Variants in ANKFN1 observed in about 807,000 individuals in gnomAD.
ANKFN1 encodes the protein ankyrin repeat and fibronectin type III domain containing 1.
A neutral mutation model predicts 108.7 loss-of-function variants in ANKFN1; 74 were observed. That is an observed-to-expected ratio of 0.68 (90% CI 0.56 to 0.83). The LOEUF is 0.83. Ranked by LOEUF, ANKFN1 falls within the 40% of genes least tolerant of loss-of-function variation. The probability of loss-of-function intolerance (pLI) is 0.00; values close to 1 mark genes in which losing one functional copy is unlikely to be tolerated. For missense variants in ANKFN1, 1,505 were observed against 1,382.3 expected, an observed-to-expected ratio of 1.09 and a Z score of -1.41; for synonymous variants, 547 against 516.2, an observed-to-expected ratio of 1.06 and a Z score of -0.81.
chr17:56,053,662 A>G (rs1163666084), intron 4 of ANKFN1, among the ~76,000 whole-genome samples: 1 of 152,144 alleles, frequency 6.6e-6, no homozygotes, highest in Non-Finnish European at 1.5e-5. Flanking sequence ...TTTGGGTTAT[A>G]TACCCAGCAG....
chr17:56,234,608 T>C (rs1671043020), intron 3 of ANKFN1, among the ~76,000 whole-genome samples: 1 of 152,166 alleles, frequency 6.6e-6, no homozygotes, highest in South Asian at 2.1e-4. Flanking sequence ...CAGTATTTGG[T>C]TTTCTGTTCC....
intron 6 of ANKFN1, among the ~76,000 whole-genome samples, chr17:56,372,222 A>G (rs1309654296): frequency 1.3e-5 from 2 of 152,240 alleles, no homozygotes; most frequent in Non-Finnish European, 2.9e-5. Context: ...TCAGAATGCA[A>G]CTTGCCTCAT....
chr17:56,342,759 T>A (rs762714463), intron 4 of ANKFN1, among the ~76,000 whole-genome samples: 7 of 152,022 alleles, frequency 4.6e-5, no homozygotes, highest in Non-Finnish European at 8.8e-5. Context: ...ATTAGAAAAG[T>A]GTATATTCTG....
intron 3 of ANKFN1, chr17:56,254,350 T>C (rs1219870295): frequency 6.6e-6 from 1 of 152,198 alleles, no homozygotes; most frequent in East Asian, 1.9e-4. Context: ...TAAGTGTAAA[T>C]GAACCACTGT....
intron 8 of ANKFN1, among the ~76,000 whole-genome samples, chr17:56,385,340 A>G (rs986165929): frequency 2.6e-5 from 4 of 152,344 alleles, no homozygotes; most frequent in African/African-American, 9.6e-5. Context: ...TAAAGACTTA[A>G]ATGTTAGACC....
At chr17:56,400,780 G>A (rs562555170) in intron 8 of ANKFN1, among the ~76,000 whole-genome samples, 1 of 152,192 alleles carries the variant, frequency 6.6e-6, no homozygotes, top group Non-Finnish European at 1.5e-5. Context: ...TGAGAGATGA[G>A]GATCCAGTTT....
At chr17:56,312,429 T>C (rs961295264) in intron 3 of ANKFN1, among the ~76,000 whole-genome samples, 1 of 152,154 alleles carries the variant, frequency 6.6e-6, no homozygotes, top group Non-Finnish European at 1.5e-5. Flanking sequence ...CTGCTGATCT[T>C]ACTCTGACCC....
intron 15 of ANKFN1, among the ~76,000 whole-genome samples, chr17:56,476,289 G>A (rs928383044): frequency 6.6e-6 from 1 of 152,138 alleles, no homozygotes; most frequent in African/African-American, 2.4e-5. Flanking sequence ...CTACTGATGT[G>A]GAGGGATGGT....
chr17:56,146,654 C>T (rs375192098), intron 4 of ANKFN1, among the ~76,000 whole-genome samples: 87 of 152,260 alleles, frequency 5.7e-4, no homozygotes, highest in African/African-American at 1.9e-3. Flanking sequence ...GTGGCTGGAG[C>T]TGAAGCAGCT....
At chr17:56,054,239 A>G (rs756000080) in intron 4 of ANKFN1, among the ~76,000 whole-genome samples, 1 of 152,246 alleles carries the variant, frequency 6.6e-6, no homozygotes, top group Non-Finnish European at 1.5e-5. Flanking sequence ...CCAAAGGAAA[A>G]TAATTCATTA....
chr17:56,175,915 A>G, intron 1 of ANKFN1, among the ~76,000 whole-genome samples: 1 of 139,810 alleles, frequency 7.2e-6, no homozygotes, highest in South Asian at 2.7e-4. Context: ...ATAGCCTATT[A>G]TAAGATAGTA....
intron 3 of ANKFN1, among the ~76,000 whole-genome samples, chr17:56,273,177 T>C (rs1389286657): frequency 5.3e-5 from 8 of 152,320 alleles, no homozygotes; most frequent in African/African-American, 1.9e-4. Context: ...ACAGATAAAA[T>C]ATTTTACATG....
chr17:56,106,364 G>A (rs1481136422), intron 4 of ANKFN1, among the ~76,000 whole-genome samples: 1 of 152,226 alleles, frequency 6.6e-6, no homozygotes, highest in Non-Finnish European at 1.5e-5. Context: ...TGTTGTGAAA[G>A]CAGCACATAA....
At chr17:56,503,723 T>TG (rs1488634325) in intron 20 of ANKFN1, among the ~76,000 whole-genome samples, 1 of 151,950 alleles carries the variant, frequency 6.6e-6, no homozygotes, top group Non-Finnish European at 1.5e-5. Flanking sequence ...GTTGTTGGCC[T>TG]GACCCACAGA....
At chr17:56,374,471 C>T (rs1004852088) in intron 7 of ANKFN1, 130 bp from the exon 8 acceptor site, 35 of 680,778 alleles carry the variant, frequency 5.1e-5, no homozygotes, top group Middle Eastern at 3.6e-4. Flanking sequence ...TGTTCAAAAG[C>T]GAAAGCTATT....
intron 8 of ANKFN1, among the ~76,000 whole-genome samples, chr17:56,388,452 A>G (rs900268054): frequency 1.3e-5 from 2 of 152,142 alleles, no homozygotes; most frequent in Non-Finnish European, 2.9e-5. Context: ...TGATTTATCA[A>G]TATCTGTGCA....
At chr17:56,438,178 C>T (rs561976234) in intron 8 of ANKFN1, among the ~76,000 whole-genome samples, 9 of 152,134 alleles carry the variant, frequency 5.9e-5, no homozygotes, top group South Asian at 4.2e-4. Flanking sequence ...TAATAAATCT[C>T]GTTTTTACAG....
At chr17:56,275,732 G>A (rs1209150847) in intron 3 of ANKFN1, among the ~76,000 whole-genome samples, 1 of 152,120 alleles carries the variant, frequency 6.6e-6, no homozygotes, top group Non-Finnish European at 1.5e-5. Flanking sequence ...ATATTTCTAA[G>A]AAATGGACTT....
intron 8 of ANKFN1, among the ~76,000 whole-genome samples, chr17:56,412,870 T>A (rs1315093715): frequency 6.6e-6 from 1 of 152,228 alleles, no homozygotes; most frequent in Admixed American, 6.5e-5. Context: ...ATCCTATTAG[T>A]CCTGATCCTC....
Sources: gnomAD v4.1 joint callset for allele counts (sites outside exome capture counted in the v4.1 genomes callset) on GRCh38, gnomAD v4.1.1 for gene constraint, MANE v1.5 for transcripts, NCBI Gene and HGNC (gene_info 2026-07-23, HGNC 2026-07-21) for gene names.